The following NKAIN2 variants were observed in gnomAD, a reference collection of about 807,000 sequenced individuals.
NKAIN2 encodes the protein sodium/potassium transporting ATPase interacting 2.
NKAIN2 carries 14 observed loss-of-function variants against 32.6 expected under a neutral mutation model. That is an observed-to-expected ratio of 0.43 (90% CI 0.28 to 0.67). The LOEUF (loss-of-function observed/expected upper bound fraction) is 0.67. Ranked by LOEUF, NKAIN2 falls within the 30% of genes least tolerant of loss-of-function variation. The pLI, the probability that NKAIN2 is intolerant of heterozygous loss-of-function variation, is 0.17. For missense variants in NKAIN2, 198 were observed against 258.3 expected, an observed-to-expected ratio of 0.77 and a Z score of 1.60; for synonymous variants, 80 against 87.2, an observed-to-expected ratio of 0.92 and a Z score of 0.46.
intron 3 of NKAIN2, among the ~76,000 whole-genome samples, chr6:124,627,010 C>T (rs1338311750): frequency 6.6e-6 from 1 of 152,086 alleles, no homozygotes. Context: ...TGGCTCACAC[C>T]AGTAATCCTG....
chr6:124,630,851 T>A (rs2114306309), intron 3 of NKAIN2, among the ~76,000 whole-genome samples: 1 of 152,296 alleles, frequency 6.6e-6, no homozygotes, highest in East Asian at 1.9e-4. Context: ...AATTAATTAC[T>A]GCATTTTAGA....
Position 124,478,362 on chromosome 6 carries a change from C to T in NKAIN2, c.273+123015C>T, listed in dbSNP as rs575782057. 2.1e-3 allele frequency among the ~76,000 whole-genome samples: 325 copies of T among 152,302 alleles called. 5 individuals carry two copies. Among genetic ancestry groups the T allele is most frequent in the Non-Finnish European group, 2.8e-3 (188 of 68,026 alleles). On this transcript the variant is annotated intron_variant, in intron 3 of 6. Transcript: ENST00000368417. ...ATGCAGACCTTTCTCTCTCTAATGC[C>T]ATTCTCAAATAAAAGGAGCCAGGGC...
intron 1 of NKAIN2, among the ~76,000 whole-genome samples, chr6:124,177,832 G>A (rs1429956279): frequency 5.2e-4 from 1 of 1,924 alleles, no homozygotes; most frequent in African/African-American, 1.1e-3. Flanking sequence ...CGCCCAGGCT[G>A]GAGTGCAGTG....
chr6:123,967,106 CG>C (rs1262235565), intron 1 of NKAIN2, among the ~76,000 whole-genome samples: 2 of 152,118 alleles, frequency 1.3e-5, no homozygotes, highest in Non-Finnish European at 2.9e-5. Context: ...TAAGTGTAAC[CG>C]GAATAGGCAA....
At chr6:124,299,872 C>T (rs940310697) in intron 2 of NKAIN2, among the ~76,000 whole-genome samples, 1 of 152,134 alleles carries the variant, frequency 6.6e-6, no homozygotes, top group Non-Finnish European at 1.5e-5. Flanking sequence ...TGTACTTTGT[C>T]GAATAATCTA....
chr6:124,442,126 C>T (rs1226604808), intron 3 of NKAIN2, among the ~76,000 whole-genome samples: 1 of 152,030 alleles, frequency 6.6e-6, no homozygotes, highest in African/African-American at 2.4e-5. Flanking sequence ...CTCCTTATCC[C>T]TCATCATTCA....
At chr6:124,616,418 TTTTCTTTTTCTTTTC>T in intron 3 of NKAIN2, among the ~76,000 whole-genome samples, 1 of 146,296 alleles carries the variant, frequency 6.8e-6, no homozygotes, top group African/African-American at 2.5e-5. Context: ...TTTTTTTCTT[TTTTCTTTTTCTTTTC>T]TTTCTTTTTT....
At chr6:124,072,622 G>A (rs533053921) in intron 1 of NKAIN2, among the ~76,000 whole-genome samples, 2 of 152,168 alleles carry the variant, frequency 1.3e-5, no homozygotes, top group African/African-American at 4.8e-5. Context: ...AGACCTCTAG[G>A]CCACTCACTT....
At chr6:124,592,868 C>T (rs1781960889) in intron 3 of NKAIN2, among the ~76,000 whole-genome samples, 1 of 152,088 alleles carries the variant, frequency 6.6e-6, no homozygotes, top group Non-Finnish European at 1.5e-5. Context: ...AATATGAACT[C>T]AAAAATGCTA....
chr6:124,525,880 T>G (rs905834729), intron 3 of NKAIN2, among the ~76,000 whole-genome samples: 2 of 151,898 alleles, frequency 1.3e-5, no homozygotes, highest in Non-Finnish European at 2.9e-5. Flanking sequence ...GAAGATAAAA[T>G]AAGCAAACAG....
intron 4 of NKAIN2, among the ~76,000 whole-genome samples, chr6:124,687,359 C>T (rs1382810922): frequency 7.9e-6 from 1 of 125,990 alleles, no homozygotes; most frequent in Non-Finnish European, 1.7e-5. Flanking sequence ...TATATATATT[C>T]CATACATACA....
chr6:124,314,662 C>G (rs996726541), intron 2 of NKAIN2, among the ~76,000 whole-genome samples: 8 of 152,138 alleles, frequency 5.3e-5, no homozygotes, highest in African/African-American at 1.9e-4. Context: ...CAGTCAGTAG[C>G]TGAATCCTGT....
Position 123,964,089 on chromosome 6 carries a change from C to T in NKAIN2, c.54+159835C>T, listed in dbSNP as rs1017776249. Among the ~76,000 whole-genome samples, 3 of 152,128 alleles carry T rather than the reference C, an allele frequency of 2.0e-5. No homozygotes were observed. The highest frequency in any genetic ancestry group is 4.4e-5 in the Non-Finnish European group (3 of 68,026). Reference sequence around the variant, plus strand: ...TGTTCAGGAACACAACATCCAATTACAAAATTACTCCTAGGGGAAAATACA... The same window carrying T: ...TGTTCAGGAACACAACATCCAATTATAAAATTACTCCTAGGGGAAAATACA... On this transcript the variant is annotated intron_variant, in intron 1 of 6. Transcript: ENST00000368417. This position sits in a 1 kb window ranked among gnomAD's most constrained non-coding sequence, Gnocchi z 4.0.
intron 1 of NKAIN2, among the ~76,000 whole-genome samples, chr6:124,016,863 T>A (rs1235992540): frequency 6.6e-6 from 1 of 152,178 alleles, no homozygotes; most frequent in African/African-American, 2.4e-5. Context: ...AGCTAGCATT[T>A]GAATCCAGGT....
At chr6:123,961,302 G>A (rs530905764) in intron 1 of NKAIN2, among the ~76,000 whole-genome samples, 3 of 152,196 alleles carry the variant, frequency 2.0e-5, no homozygotes, top group Admixed American at 6.5e-5. Context: ...TGTATACTAC[G>A]ATTATTCCTG....
chr6:124,602,185 A>G (rs545058193), intron 3 of NKAIN2, among the ~76,000 whole-genome samples: 1 of 152,072 alleles, frequency 6.6e-6, no homozygotes, highest in South Asian at 2.1e-4. Flanking sequence ...TTAAGGTTTT[A>G]CATGGCCTCA....
chr6:123,804,082 C>A lies in NKAIN2; in HGVS notation c.-119C>A. ...CAGGACGCTGGCAGCAGCAGCAGCC[C>A]GGAGCCCCCGAGCCCTCGGCAGGTT... is the stretch of plus-strand genomic sequence containing the variant. On this transcript the variant is annotated 5_prime_UTR_variant, in exon 1 of 7. Transcript: ENST00000368417. 2 of 908,180 alleles carry A rather than the reference C, an allele frequency of 2.2e-6. No homozygotes were observed. The highest frequency in any genetic ancestry group is 3.7e-6 in the Non-Finnish European group (2 of 540,468). The allele number at this position is 908,180 out of a possible 1,614,324, so 56.3% of individuals were successfully genotyped here. A position where few individuals can be genotyped will look rare whatever the true frequency, so the allele number is the denominator to read the frequency against.
At chr6:124,484,338 A>G (rs1200136301) in intron 3 of NKAIN2, among the ~76,000 whole-genome samples, 1 of 152,176 alleles carries the variant, frequency 6.6e-6, no homozygotes, top group Non-Finnish European at 1.5e-5. Flanking sequence ...AGATTCATCT[A>G]TGCAATTTAT....
intron 4 of NKAIN2, among the ~76,000 whole-genome samples, chr6:124,691,870 T>G (rs1310094931): frequency 6.6e-6 from 1 of 152,192 alleles, no homozygotes. Flanking sequence ...GAAATATACT[T>G]TACAATATAG....
Sources: gnomAD v4.1 joint callset for allele counts (sites outside exome capture counted in the v4.1 genomes callset) on GRCh38, gnomAD v4.1.1 for gene constraint, Gnocchi (gnomAD v3.1) non-coding constraint, MANE v1.5 for transcripts, NCBI Gene and HGNC (gene_info 2026-07-23, HGNC 2026-07-21) for gene names.